Variants in NAV3 observed in about 807,000 individuals in gnomAD.
The protein encoded by NAV3 is pore membrane and/or filament interacting like protein 1.
Under a neutral mutation model 244.7 loss-of-function variants are expected in NAV3, and 87 were observed. The observed-to-expected ratio is 0.36, with a 90% CI of 0.30 to 0.42. NAV3 has a LOEUF of 0.42. Ranked by LOEUF, NAV3 falls within the 20% of genes least tolerant of loss-of-function variation. The pLI is 1.00. For missense variants in NAV3, 2,663 were observed against 2,893.3 expected, an observed-to-expected ratio of 0.92 and a Z score of 1.83; for synonymous variants, 1,126 against 1,042.2, an observed-to-expected ratio of 1.08 and a Z score of -1.55.
At chr12:77,653,658 A>G (rs1053687198) in intron 2 of NAV3, among the ~76,000 whole-genome samples, 1 of 152,196 alleles carries the variant, frequency 6.6e-6, no homozygotes, top group Non-Finnish European at 1.5e-5. Context: ...TCTTCTTGAA[A>G]TGGGATGTTG....
At position 78,065,386 on chromosome 12, in the gene NAV3, T is replaced by C. The variant is rs1218662394; in HGVS notation, c.2636+6271T>C. On this transcript the variant is annotated intron_variant, in intron 12 of 39. Transcript: ENST00000397909. ...AATTTTGTTTAAACCACTCTGTGAC[T>C]CTGCACTGTGCAAGCTAGGAACATT... 2.0e-5 allele frequency among the ~76,000 whole-genome samples: 3 copies of C among 152,182 alleles called. No homozygotes were observed. In the East Asian group the frequency reaches 5.8e-4, roughly 29 times the overall value.
At chr12:77,644,255 G>T (rs1491052) in intron 2 of NAV3, among the ~76,000 whole-genome samples, 18,149 of 151,992 alleles carry the variant, frequency 0.12, 1,754 homozygotes, top group African/African-American at 0.26. Flanking sequence ...AGAGGTTCCC[G>T]AGATGTTAGA....
At chr12:77,828,541 T>G (rs1592719771), upstream of NAV3, among the ~76,000 whole-genome samples, 1 of 152,280 alleles carries the variant, frequency 6.6e-6, no homozygotes, top group Middle Eastern at 3.4e-3. Context: ...AAGGTATCAG[T>G]GACCGTAAGC....
chr12:77,915,326 C>T (rs766210355), intron 1 of NAV3, among the ~76,000 whole-genome samples: 7 of 151,994 alleles, frequency 4.6e-5, no homozygotes, highest in Non-Finnish European at 1.0e-4. Flanking sequence ...TTAAACCTAA[C>T]ATTTATATAA....
chr12:77,954,996 A>G (rs1891234255), intron 3 of NAV3, among the ~76,000 whole-genome samples: 1 of 152,142 alleles, frequency 6.6e-6, no homozygotes, highest in South Asian at 2.1e-4. Flanking sequence ...TTAACAAGGC[A>G]TGGAGGATGT....
At chr12:78,094,730 C>T (rs1298912285) in intron 12 of NAV3, among the ~76,000 whole-genome samples, 1 of 151,934 alleles carries the variant, frequency 6.6e-6, no homozygotes, top group Non-Finnish European at 1.5e-5. Flanking sequence ...ACATTAGTTC[C>T]TTGTACATCA....
At chr12:77,829,507 C>A (rs1569028), upstream of NAV3, among the ~76,000 whole-genome samples, 41,779 of 152,034 alleles carry the variant, frequency 0.27, 6,545 homozygotes, top group South Asian at 0.37. Context: ...ATGAACTAAA[C>A]CTCATTTTAC....
chr12:77,659,810 G>C, intron 2 of NAV3, among the ~76,000 whole-genome samples: 1 of 152,118 alleles, frequency 6.6e-6, no homozygotes, highest in East Asian at 1.9e-4. Flanking sequence ...GTCCTTTGTA[G>C]GGACATGGAT....
chr12:78,185,546 C>G (rs2139801129), intron 30 of NAV3, 55 bp from the exon 31 acceptor site: 1 of 1,454,546 alleles, frequency 6.9e-7, no homozygotes, highest in Non-Finnish European at 9.6e-7. Context: ...TGACAGTAAA[C>G]AAATCTGAGC....
upstream of NAV3, among the ~76,000 whole-genome samples, chr12:77,830,094 C>T (rs1369316925): frequency 6.6e-6 from 1 of 152,052 alleles, no homozygotes; most frequent in Non-Finnish European, 1.5e-5. Context: ...AAAGTTTACC[C>T]CTTGTTTATT....
intron 2 of NAV3, among the ~76,000 whole-genome samples, chr12:77,821,411 A>G (rs1341777301): frequency 6.6e-6 from 1 of 152,196 alleles, no homozygotes; most frequent in Non-Finnish European, 1.5e-5. Context: ...CAATCCCTGA[A>G]CGAAACCTAA....
chr12:77,805,952 G>A (rs147427742), intron 2 of NAV3, among the ~76,000 whole-genome samples: 1 of 152,244 alleles, frequency 6.6e-6, no homozygotes, highest in African/African-American at 2.4e-5. Context: ...GTTTATTTGT[G>A]TAGAGGTTTT....
intron 12 of NAV3, among the ~76,000 whole-genome samples, chr12:78,069,090 C>T (rs1332120272): frequency 6.6e-6 from 1 of 151,846 alleles, no homozygotes; most frequent in Admixed American, 6.6e-5. Context: ...ACTCCGGCTG[C>T]ATAGAGTGGG....
intron 1 of NAV3, among the ~76,000 whole-genome samples, chr12:77,906,032 CA>C (rs1885932352): frequency 6.6e-6 from 1 of 152,190 alleles, no homozygotes; most frequent in Admixed American, 6.6e-5. Flanking sequence ...TAAGCTATAC[CA>C]ATTCCATTTC....
At chr12:77,886,130 C>T (rs1213219551) in intron 1 of NAV3, among the ~76,000 whole-genome samples, 2 of 152,198 alleles carry the variant, frequency 1.3e-5, no homozygotes, top group East Asian at 3.9e-4. Context: ...CAACTGCTGC[C>T]TGAGAAATGT....
intron 2 of NAV3, among the ~76,000 whole-genome samples, chr12:77,586,200 A>G (rs1869606688): frequency 6.6e-6 from 1 of 152,194 alleles, no homozygotes; most frequent in Non-Finnish European, 1.5e-5. Context: ...ATTATAATTT[A>G]CACTGATTAA....
At position 78,196,648 on chromosome 12, in the gene NAV3, C is replaced by G. The variant is rs374485826; in HGVS notation, c.6292-599C>G. Among the ~76,000 whole-genome samples the G allele has an allele frequency of 2.4e-4, 36 of 151,928 alleles. No individual in the cohort carries two copies. The South Asian group carries it at 7.5e-3, about 32-fold the overall frequency. ...AAAGAACCAATAAACTCAGGAGATG[C>G]TAAATTTTGTCTTTGTTTAAAATTA... On this transcript the variant is annotated intron_variant, in intron 34 of 39. Coordinates refer to ENST00000397909, the MANE Select transcript of NAV3 (RefSeq NM_001024383.2).
At chr12:78,192,413 A>ATT (rs34351331) in intron 34 of NAV3, among the ~76,000 whole-genome samples, 4,877 of 147,088 alleles carry the variant, frequency 0.033, 97 homozygotes, top group South Asian at 0.055. Context: ...ATTTTTATTT[A>ATT]TTTTTTTTTT....
intron 33 of NAV3, among the ~76,000 whole-genome samples, chr12:78,189,205 G>A (rs1176824710): frequency 1.3e-5 from 2 of 151,780 alleles, no homozygotes; most frequent in East Asian, 3.9e-4. Context: ...TAAGAATCAA[G>A]GATGGAAAGT....
Sources: gnomAD v4.1 joint callset for allele counts (sites outside exome capture counted in the v4.1 genomes callset) on GRCh38, gnomAD v4.1.1 for gene constraint, MANE v1.5 for transcripts, NCBI Gene and HGNC (gene_info 2026-07-23, HGNC 2026-07-21) for gene names.